Variants in SLC37A3 observed in about 807,000 individuals in gnomAD.
SLC37A3 encodes the protein solute carrier family 37 member 3.
SLC37A3 carries 51 observed loss-of-function variants against 67.1 expected under a neutral mutation model. The ratio of observed to expected loss-of-function variants is 0.76; its 90% confidence interval spans 0.61 to 0.96. SLC37A3 has a LOEUF of 0.96. Among genes scored for constraint, SLC37A3 ranks in the 40% least tolerant of loss-of-function variants. The pLI, the probability that SLC37A3 is intolerant of heterozygous loss-of-function variation, is 0.00. For missense variants in SLC37A3, 508 were observed against 603.0 expected (o/e 0.84, Z 1.65); for synonymous variants, 214 against 231.4 (o/e 0.92, Z 0.68).
intron 5 of SLC37A3, among the ~76,000 whole-genome samples, chr7:140,361,899 A>AC (rs1797320938): frequency 6.9e-6 from 1 of 145,232 alleles, no homozygotes; most frequent in Non-Finnish European, 1.5e-5. Flanking sequence ...TCGGCTCGCT[A>AC]CAACCTCCAC....
At chr7:140,369,123 C>A (rs749057747) in intron 4 of SLC37A3, among the ~76,000 whole-genome samples, 3 of 152,166 alleles carry the variant, frequency 2.0e-5, no homozygotes, top group Non-Finnish European at 4.4e-5. Context: ...CAGCTCTGAT[C>A]CAAGCACACC....
At chr7:140,371,774 G>A (rs532778116) in intron 3 of SLC37A3, among the ~76,000 whole-genome samples, 30 of 152,106 alleles carry the variant, frequency 2.0e-4, no homozygotes, top group African/African-American at 7.2e-4. Context: ...GAAAAAAAGA[G>A]ACACAAGGAA....
intron 7 of SLC37A3, among the ~76,000 whole-genome samples, chr7:140,352,460 C>T (rs1348514537): frequency 6.6e-6 from 1 of 152,118 alleles, no homozygotes; most frequent in Non-Finnish European, 1.5e-5. Context: ...TATCACATAG[C>T]CTCTCATAAA....
rs769120959 is a variant in SLC37A3, at chr7:140,345,142, G to A, written c.1174+74C>T. ...GGTTTCGGTACTACTCAAATTGAGG[G>A]AGAAAACAGTTTCCCTTTTCCTCTG... On this transcript the variant is annotated intron_variant, in intron 12 of 14. Coordinates refer to ENST00000326232, the MANE Select transcript of SLC37A3 (RefSeq NM_207113.3). 6.6e-6 allele frequency: 9 copies of A among 1,372,524 alleles called. No individual in the cohort carries two copies. The Admixed American group carries it at 1.1e-4, about 17-fold the overall frequency. 85.0% of individuals were successfully genotyped at this position (1,372,524 alleles called of 1,614,324 possible). A position where few individuals can be genotyped will look rare whatever the true frequency, so the allele number is the denominator to read the frequency against.
At position 140,362,029 on chromosome 7, in the gene SLC37A3, A is replaced by C. The variant is rs1457972067; in HGVS notation, c.375+2379T>G. ...GCCCCCCATCGTCTGGGATATGAGG[A>C]GCCTCTCTGCCTGGCTGCCCAGTCT... On this transcript the variant is annotated intron_variant, in intron 5 of 14. Transcript: ENST00000326232. 6.6e-5 allele frequency among the ~76,000 whole-genome samples: 8 copies of C among 121,230 alleles called. No homozygotes were observed. The East Asian group carries it at 2.1e-3, about 31-fold the overall frequency. 79.5% of individuals were successfully genotyped at this position (121,230 alleles called of 152,430 possible).
chr7:140,341,750 C>A (rs1405789204), intron 13 of SLC37A3, among the ~76,000 whole-genome samples: 1 of 152,150 alleles, frequency 6.6e-6, no homozygotes, highest in Non-Finnish European at 1.5e-5. Flanking sequence ...AAAGCAAATT[C>A]TCTGAAATAC....
At chr7:140,360,750 G>T (rs1277352308) in intron 5 of SLC37A3, among the ~76,000 whole-genome samples, 2 of 93,894 alleles carry the variant, frequency 2.1e-5, no homozygotes, top group African/African-American at 3.6e-5. Flanking sequence ...AAAAAAAAAA[G>T]ATTAATCAGA....
intron 13 of SLC37A3, among the ~76,000 whole-genome samples, chr7:140,341,916 C>T (rs1467794174): frequency 6.6e-6 from 1 of 152,154 alleles, no homozygotes; most frequent in East Asian, 1.9e-4. Flanking sequence ...TTTCGATTCC[C>T]GCTCCAGGGC....
At chr7:140,398,021 T>C (rs1799006639) in intron 1 of SLC37A3, among the ~76,000 whole-genome samples, 1 of 152,176 alleles carries the variant, frequency 6.6e-6, no homozygotes, top group Admixed American at 6.5e-5. Flanking sequence ...AAGAGCTTCC[T>C]TCCCCACCTA....
intron 2 of SLC37A3, among the ~76,000 whole-genome samples, chr7:140,381,143 C>A (rs1425846008): frequency 6.6e-6 from 1 of 150,496 alleles, no homozygotes; most frequent in Non-Finnish European, 1.5e-5. Flanking sequence ...GGTGATCCAC[C>A]CACCTCGGCC....
chr7:140,361,752 G>A (rs965692657), intron 5 of SLC37A3, among the ~76,000 whole-genome samples: 2 of 146,894 alleles, frequency 1.4e-5, no homozygotes, highest in Non-Finnish European at 3.0e-5. Context: ...GGGTTTTGCT[G>A]TGTCGGCCGG....
chr7:140,363,494 A>G (rs1797452816), intron 5 of SLC37A3, among the ~76,000 whole-genome samples: 1 of 108,216 alleles, frequency 9.2e-6, no homozygotes, highest in Admixed American at 9.5e-5. Context: ...GCTTGAAGGC[A>G]GCAGGCTCGT....
chr7:140,349,731 A>T (rs924874771), intron 9 of SLC37A3, among the ~76,000 whole-genome samples: 1 of 152,222 alleles, frequency 6.6e-6, no homozygotes, highest in African/African-American at 2.4e-5. Flanking sequence ...AGACAAAGGA[A>T]TTAAGTTAAC....
At chr7:140,351,893 G>A in intron 8 of SLC37A3, 169 bp downstream of exon 8, 1 of 738,612 alleles carries the variant, frequency 1.4e-6, no homozygotes, top group Non-Finnish European at 2.4e-6. Context: ...CTGTGCCAGG[G>A]GCTGGCTACA....
rs574713794 is a variant in SLC37A3, at chr7:140,334,237, G to T, written c.*1175C>A. The T allele has an allele frequency of 6.6e-6, 1 of 152,206 alleles. No individual in the cohort carries two copies. The highest frequency in any genetic ancestry group is 1.9e-4 in the East Asian group (1 of 5,174). 9.4% of individuals were successfully genotyped at this position (152,206 alleles called of 1,614,324 possible). ...AAATTACATGATATATTCAACACTC[G>T]ATTATAAAATAGAGTTTGTGTTAGA... On this transcript the variant is annotated 3_prime_UTR_variant, in exon 15 of 15. Coordinates refer to ENST00000326232, the MANE Select transcript of SLC37A3 (RefSeq NM_207113.3).
At chr7:140,383,995 G>A (rs1482752480) in intron 1 of SLC37A3, among the ~76,000 whole-genome samples, 2 of 152,028 alleles carry the variant, frequency 1.3e-5, no homozygotes, top group African/African-American at 4.8e-5. Context: ...CTTTTCATTT[G>A]ACTGTACTCT....
At chr7:140,389,495 T>C (rs4726784) in intron 1 of SLC37A3, among the ~76,000 whole-genome samples, 104,374 of 152,012 alleles carry the variant, frequency 0.69, 36,085 homozygotes, top group South Asian at 0.81. Flanking sequence ...GCCAAATTAT[T>C]TTTAAAAACT....
At chr7:140,351,974 G>GA in intron 8 of SLC37A3, 88 bp downstream of exon 8, 1 of 1,328,366 alleles carries the variant, frequency 7.5e-7, no homozygotes. Flanking sequence ...GTTTTCCTAG[G>GA]AAAAAAGAGA....
chr7:140,370,104 C>A (rs918039741), intron 3 of SLC37A3, among the ~76,000 whole-genome samples: 1 of 151,282 alleles, frequency 6.6e-6, no homozygotes, highest in African/African-American at 2.4e-5. Flanking sequence ...GAGCGAAACT[C>A]CGTCTCAAAA....
Sources: gnomAD v4.1 joint callset for allele counts (sites outside exome capture counted in the v4.1 genomes callset) on GRCh38, gnomAD v4.1.1 for gene constraint, MANE v1.5 for transcripts, NCBI Gene and HGNC (gene_info 2026-07-23, HGNC 2026-07-21) for gene names.